IFT80: variants seen among roughly 807,000 people sequenced by gnomAD.
The protein encoded by IFT80 is intraflagellar transport 80.
A neutral mutation model predicts 107.9 loss-of-function variants in IFT80; 79 were observed. The observed-to-expected ratio is 0.73, with a 90% confidence interval of 0.61 to 0.88. The LOEUF is 0.88. Among genes scored for constraint, IFT80 ranks in the 40% least tolerant of loss-of-function variants. The pLI, the probability that IFT80 is intolerant of heterozygous loss-of-function variation, is 0.00. For synonymous variants in IFT80, 299 were observed against 300.9 expected (o/e 0.99, Z 0.07); for missense variants, 797 against 914.2 (o/e 0.87, Z 1.65).
intron 1 of IFT80, among the ~76,000 whole-genome samples, chr3:160,396,116 C>T (rs542511358): frequency 1.5e-4 from 23 of 151,946 alleles, no homozygotes; most frequent in African/African-American, 4.1e-4. Context: ...TTCCAACCTA[C>T]GGAATAAAAA....
At chr3:160,260,765 CCTT>C (rs1270072754) in intron 19 of IFT80, among the ~76,000 whole-genome samples, 1 of 152,160 alleles carries the variant, frequency 6.6e-6, no homozygotes, top group Non-Finnish European at 1.5e-5. Context: ...ATCTGGCACT[CCTT>C]ATTCTACTCG....
intron 12 of IFT80, among the ~76,000 whole-genome samples, chr3:160,293,530 C>T (rs903330814): frequency 6.6e-6 from 1 of 152,178 alleles, no homozygotes; most frequent in Admixed American, 6.5e-5. Flanking sequence ...AGGAATGATC[C>T]TTTTGCCATA....
intron 19 of IFT80, among the ~76,000 whole-genome samples, chr3:160,263,208 C>T (rs1313428652): frequency 6.6e-6 from 1 of 152,190 alleles, no homozygotes; most frequent in African/African-American, 2.4e-5. Flanking sequence ...ACCTCACCAC[C>T]TCTCCTCCCA....
chr3:160,339,529 G>A (rs986812722), intron 8 of IFT80, among the ~76,000 whole-genome samples: 10 of 151,884 alleles, frequency 6.6e-5, no homozygotes, highest in Non-Finnish European at 1.3e-4. Flanking sequence ...CACAATTTTT[G>A]TCTCCAAAAT....
chr3:160,396,661 G>T (rs1713799907), intron 1 of IFT80, among the ~76,000 whole-genome samples: 1 of 152,078 alleles, frequency 6.6e-6, no homozygotes, highest in African/African-American at 2.4e-5. Flanking sequence ...GATCATTTTA[G>T]ACTAGGAAGA....
chr3:160,258,667 TTAGA>T (rs1181238213), intron 19 of IFT80, 32 bp from the exon 20 acceptor site: 2 of 1,604,606 alleles, frequency 1.2e-6, no homozygotes, highest in African/African-American at 2.7e-5. Context: ...AGAAATATGC[TTAGA>T]TAGTGTAAGA....
At chr3:160,309,966 A>G (rs1717123965) in intron 9 of IFT80, among the ~76,000 whole-genome samples, 2 of 152,158 alleles carry the variant, frequency 1.3e-5, no homozygotes, top group African/African-American at 4.8e-5. Context: ...TAAATTAGAA[A>G]CAGCATAAAC....
intron 12 of IFT80, among the ~76,000 whole-genome samples, chr3:160,297,115 A>C (rs536637431): frequency 4.7e-4 from 72 of 152,284 alleles, no homozygotes; most frequent in African/African-American, 1.7e-3. Context: ...AGTTGTAAAA[A>C]TTGCAGGAGA....
chr3:160,325,676 C>T (rs1482700771), intron 8 of IFT80, among the ~76,000 whole-genome samples: 1 of 152,034 alleles, frequency 6.6e-6, no homozygotes, highest in African/African-American at 2.4e-5. Flanking sequence ...AAAAAGATAT[C>T]TTGAGAATGA....
intron 4 of IFT80, 31 bp downstream of exon 4, chr3:160,377,399 A>T: frequency 7.8e-7 from 1 of 1,278,874 alleles, no homozygotes; most frequent in Non-Finnish European, 1.1e-6. Context: ...TAAAATATTC[A>T]TTTCAAATGT....
chr3:160,260,186 T>C (rs773342630), intron 19 of IFT80, among the ~76,000 whole-genome samples: 3 of 152,336 alleles, frequency 2.0e-5, no homozygotes, highest in Non-Finnish European at 4.4e-5. Flanking sequence ...ATAAAATAGA[T>C]GAATTAATAA....
chr3:160,394,603 G>C (rs1039356851), intron 1 of IFT80, among the ~76,000 whole-genome samples: 9 of 152,056 alleles, frequency 5.9e-5, no homozygotes, highest in African/African-American at 2.2e-4. Flanking sequence ...ATGAAAATTA[G>C]CTGGGCGTGG....
chr3:160,313,004 A>G (rs1325368491), intron 9 of IFT80, among the ~76,000 whole-genome samples: 1 of 80,396 alleles, frequency 1.2e-5, no homozygotes, highest in South Asian at 3.0e-4. Context: ...TTATATATAA[A>G]TTAATATATA....
chr3:160,345,105 A>G (rs1444261394), intron 8 of IFT80, among the ~76,000 whole-genome samples: 1 of 152,194 alleles, frequency 6.6e-6, no homozygotes, highest in Non-Finnish European at 1.5e-5. Flanking sequence ...CACCTAAAAG[A>G]AAAGAATCAG....
At chr3:160,382,642 T>A (rs1370341643) in intron 2 of IFT80, among the ~76,000 whole-genome samples, 2 of 152,194 alleles carry the variant, frequency 1.3e-5, no homozygotes, top group South Asian at 4.1e-4. Flanking sequence ...CGTCTGGATT[T>A]CTATATTGCC....
intron 9 of IFT80, among the ~76,000 whole-genome samples, chr3:160,318,089 G>A (rs1326846275): frequency 1.3e-5 from 2 of 151,554 alleles, no homozygotes; most frequent in African/African-American, 4.8e-5. Flanking sequence ...GTCTGAATTT[G>A]GGGAGCAAGG....
chr3:160,357,335 G>C (rs1006014150), intron 7 of IFT80, 154 bp downstream of exon 7: 2 of 548,022 alleles, frequency 3.6e-6, no homozygotes, highest in African/African-American at 3.8e-5. Flanking sequence ...TGAAGTCCAT[G>C]CTTTAAAATA....
chr3:160,375,116 G>C (rs888248830), intron 5 of IFT80, among the ~76,000 whole-genome samples: 1 of 152,136 alleles, frequency 6.6e-6, no homozygotes, highest in African/African-American at 2.4e-5. Context: ...GGAATAGTCA[G>C]CAAGTTTTTT....
chr3:160,320,597 G>GT (rs1488878214), intron 8 of IFT80, among the ~76,000 whole-genome samples: 1 of 151,532 alleles, frequency 6.6e-6, no homozygotes, highest in Non-Finnish European at 1.5e-5. Flanking sequence ...TTAATACATG[G>GT]TATTATATGC....
Sources: allele counts gnomAD v4.1 joint callset (sites outside exome capture counted in the v4.1 genomes callset), GRCh38; gene constraint gnomAD v4.1.1; transcripts MANE v1.5; gene names NCBI Gene and HGNC (gene_info 2026-07-23, HGNC 2026-07-21).